ATG101: variants seen among roughly 807,000 people sequenced by gnomAD.
ATG101 encodes autophagy-related protein 101.
A neutral mutation model predicts 16.7 loss-of-function variants in ATG101; 6 were observed. That is an observed-to-expected ratio of 0.36 (90% confidence interval 0.20 to 0.71). ATG101 has a LOEUF of 0.71. ATG101 is among the 30% of genes least tolerant of loss of function. The probability of loss-of-function intolerance (pLI) is 0.57; values close to 1 mark genes in which losing one functional copy is unlikely to be tolerated. For synonymous variants in ATG101, 108 were observed against 118.1 expected, an observed-to-expected ratio of 0.91 and a Z score of 0.56; for missense variants, 200 against 292.5, an observed-to-expected ratio of 0.68 and a Z score of 2.31.
At chr12:52,068,448 G>A (rs1939574285), upstream of ATG101, among the ~76,000 whole-genome samples, 2 of 151,480 alleles carry the variant, frequency 1.3e-5, no homozygotes, top group African/African-American at 4.9e-5. Flanking sequence ...TCAACCTCCT[G>A]GGCTCAGGTG....
chr12:52,070,051 C>T lies in ATG101; in HGVS notation c.-398C>T, dbSNP rs11538191. On this transcript the variant is annotated 5_prime_UTR_variant, in exon 1 of 4. Transcript: ENST00000336854. ...GAGTGGTGGCATCTGAGAGGCTGGT[C>T]GTGGACTGTGGTTGGGGGAGGTGGG... 2,250 of 152,466 alleles carry T rather than the reference C, an allele frequency of 0.015. 53 individuals are homozygous for T. Among genetic ancestry groups the T allele is most frequent in the African/African-American group, 0.05 (2,093 of 41,534 alleles). The allele number at this position is 152,466 out of a possible 1,614,324, so 9.4% of individuals were successfully genotyped here. A position where few individuals can be genotyped will look rare whatever the true frequency, so the allele number is the denominator to read the frequency against.
At chr12:52,072,613 T>A (rs901314407) in intron 2 of ATG101, among the ~76,000 whole-genome samples, 4 of 152,144 alleles carry the variant, frequency 2.6e-5, no homozygotes, top group African/African-American at 7.2e-5. Flanking sequence ...AGGTGAGATT[T>A]GGTATATGTG....
upstream of ATG101, among the ~76,000 whole-genome samples, chr12:52,068,768 C>G (rs900372200): frequency 2.0e-5 from 3 of 151,776 alleles, no homozygotes; most frequent in Non-Finnish European, 4.4e-5. Context: ...GGGCAGATCA[C>G]GAGGTCAGGA....
At chr12:52,066,690 A>G (rs115573684), upstream of ATG101, among the ~76,000 whole-genome samples, 6,392 of 152,196 alleles carry the variant, frequency 0.042, 297 homozygotes, top group African/African-American at 0.12. Flanking sequence ...AATCAGCACA[A>G]TAGGGCCTAT....
chr12:52,071,130 T>C (rs1253585027), intron 2 of ATG101: 5 of 152,080 alleles, frequency 3.3e-5, no homozygotes, highest in Admixed American at 2.6e-4. Flanking sequence ...TGGTGCTTGA[T>C]AGTACAGGTA....
At chr12:52,068,910 G>C (rs1187450829), upstream of ATG101, among the ~76,000 whole-genome samples, 1 of 143,158 alleles carries the variant, frequency 7.0e-6, no homozygotes, top group Non-Finnish European at 1.5e-5. Context: ...AGAATGACGT[G>C]AACCCAGGAG....
intron 3 of ATG101, among the ~76,000 whole-genome samples, chr12:52,075,501 T>C (rs1939717959): frequency 6.6e-6 from 1 of 152,224 alleles, no homozygotes; most frequent in Non-Finnish European, 1.5e-5. Context: ...ACAGTAAACA[T>C]TACAGATGCA....
intron 3 of ATG101, among the ~76,000 whole-genome samples, chr12:52,076,265 T>TA (rs1409733225): frequency 6.6e-6 from 1 of 152,086 alleles, no homozygotes; most frequent in Non-Finnish European, 1.5e-5. Context: ...TTTTGAAGGA[T>TA]ATGGGCTAAA....
upstream of ATG101, chr12:52,069,834 C>G (rs1041947858): frequency 6.6e-6 from 1 of 152,298 alleles, no homozygotes; most frequent in South Asian, 2.1e-4. Flanking sequence ...GAGAGCAACG[C>G]ATGACTATCT....
upstream of ATG101, among the ~76,000 whole-genome samples, chr12:52,067,848 G>C (rs138678959): frequency 1.6e-4 from 24 of 151,092 alleles, no homozygotes; most frequent in African/African-American, 5.4e-4. Flanking sequence ...CACCTGCCTC[G>C]GCCTCCCAAA....
At chr12:52,068,210 CTTTT>C (rs527347370), upstream of ATG101, among the ~76,000 whole-genome samples, 1 of 134,674 alleles carries the variant, frequency 7.4e-6, no homozygotes, top group Non-Finnish European at 1.6e-5. Flanking sequence ...CCACACCTGG[CTTTT>C]TTTTTTTTTT....
At chr12:52,068,990 CAAAAAAAAAAA>C (rs869030833), upstream of ATG101, among the ~76,000 whole-genome samples, 15 of 33,518 alleles carry the variant, frequency 4.5e-4, no homozygotes, top group East Asian at 2.0e-3. Context: ...GACGCCGTCT[CAAAAAAAAAAA>C]AAAAAAAAAA....
chr12:52,076,775 C>T lies in ATG101; in HGVS notation c.253-11C>T. 1.2e-6 allele frequency: 2 copies of T among 1,610,262 alleles called. No individual in the cohort carries two copies. The highest frequency in any genetic ancestry group is 1.7e-6 in the Non-Finnish European group (2 of 1,176,976). On this transcript the variant is annotated splice_polypyrimidine_tract_variant and intron_variant, in intron 3 of 3. Coordinates refer to ENST00000336854, the MANE Select transcript of ATG101 (RefSeq NM_021934.5). Reference sequence around the variant, plus strand: ...AGGCCTTGGCTTGCTCATTCGTTCCCTTCTTCCCAGGATGCACTGCGCAAC... The same window carrying T: ...AGGCCTTGGCTTGCTCATTCGTTCCTTTCTTCCCAGGATGCACTGCGCAAC...
At chr12:52,067,743 A>G (rs1267570050), upstream of ATG101, among the ~76,000 whole-genome samples, 1 of 147,434 alleles carries the variant, frequency 6.8e-6, no homozygotes. Context: ...GTGTGCCACC[A>G]AGCTTGGCTA....
intron 2 of ATG101, among the ~76,000 whole-genome samples, chr12:52,072,776 A>G (rs1416920035): frequency 6.7e-6 from 1 of 149,858 alleles, no homozygotes; most frequent in East Asian, 2.0e-4. Context: ...ATTACTTTGT[A>G]TTTTTGTTTT....
Position 52,077,079 on chromosome 12 carries a change from G to A in ATG101, c.546G>A (p.Leu182=). 6.2e-7 allele frequency: 1 copy of A among 1,614,174 alleles called. No individual in the cohort carries two copies. The highest frequency in any genetic ancestry group is 8.5e-7 in the Non-Finnish European group (1 of 1,180,034). Residue 182 remains leucine (L), a synonymous_variant, in exon 4 of 4, where the codon TTG becomes TTA. Transcript: ENST00000336854. ...SEVDNVFDTG[L]RDVQPYLYKI... Reference sequence around the variant, plus strand: ...TGGATAACGTGTTTGACACAGGCTTGCGGGACGTGCAGCCCTACCTGTACA... The same window carrying A: ...TGGATAACGTGTTTGACACAGGCTTACGGGACGTGCAGCCCTACCTGTACA...
intron 2 of ATG101, chr12:52,071,502 G>A (rs1939649458): frequency 1.3e-5 from 2 of 152,302 alleles, no homozygotes; most frequent in South Asian, 4.1e-4. Flanking sequence ...AACTAAAAGT[G>A]GTTTGAAGCA....
chr12:52,071,588 G>T (rs933918123), intron 2 of ATG101, among the ~76,000 whole-genome samples: 18 of 152,122 alleles, frequency 1.2e-4, no homozygotes, highest in African/African-American at 3.6e-4. Flanking sequence ...AGGCCGAGGC[G>T]GGTGGATCTC....
rs146117423 is a variant in ATG101, at chr12:52,076,288, AAGG to A, written c.253-491_253-489del. On this transcript the variant is annotated intron_variant, in intron 3 of 3. Transcript: ENST00000336854. Reference sequence around the variant, plus strand: ...GATATGGGCTAAAGGGGTGGTGTGGAAGGAGGAGGCCCTTGATGCAATGCAAAG... The same window carrying A: ...GATATGGGCTAAAGGGGTGGTGTGGAAGGAGGCCCTTGATGCAATGCAAAG... Among the ~76,000 whole-genome samples the A allele has an allele frequency of 7.3e-3, 1,119 of 152,306 alleles. 10 individuals carry two copies. The highest frequency in any genetic ancestry group is 0.026 in the African/African-American group (1,089 of 41,536).
Sources: gnomAD v4.1 joint callset for allele counts (sites outside exome capture counted in the v4.1 genomes callset) on GRCh38, gnomAD v4.1.1 for gene constraint, MANE v1.5 for transcripts, NCBI Gene and HGNC (gene_info 2026-07-23, HGNC 2026-07-21) for gene names.